Variants in EXOC4 observed in about 807,000 individuals in gnomAD.
EXOC4 encodes the protein SEC8-like 1.
Under a neutral mutation model 107.2 loss-of-function variants are expected in EXOC4, and 71 were observed. The ratio of observed to expected loss-of-function variants is 0.66; its 90% confidence interval spans 0.55 to 0.81. EXOC4 has a LOEUF of 0.81. Ranked by LOEUF, EXOC4 falls within the 30% of genes least tolerant of loss-of-function variation. EXOC4 has a pLI of 0.00. For synonymous variants in EXOC4, 456 were observed against 441.2 expected, an observed-to-expected ratio of 1.03 and a Z score of -0.42; for missense variants, 1,108 against 1,189.6, an observed-to-expected ratio of 0.93 and a Z score of 1.01.
intron 1 of EXOC4, among the ~76,000 whole-genome samples, chr7:133,261,888 T>C (rs1795161352): frequency 6.6e-6 from 1 of 152,174 alleles, no homozygotes; most frequent in Non-Finnish European, 1.5e-5. Context: ...CAGGTTGTTA[T>C]TTTCCTGGCC....
chr7:133,853,341 C>T (rs77658907), intron 11 of EXOC4, among the ~76,000 whole-genome samples: 142 of 134,036 alleles, frequency 1.1e-3, no homozygotes, highest in African/African-American at 3.8e-3. Context: ...CTCTCTCTCT[C>T]TTTAACACAC....
At chr7:133,840,874 A>T (rs771448060) in intron 11 of EXOC4, among the ~76,000 whole-genome samples, 1 of 152,190 alleles carries the variant, frequency 6.6e-6, no homozygotes, top group Non-Finnish European at 1.5e-5. Flanking sequence ...CTTTGTCTTA[A>T]ATGTGTTATG....
chr7:134,093,622 A>T, the EXOC4 span, among the ~76,000 whole-genome samples: 1 of 152,080 alleles, frequency 6.6e-6, no homozygotes, highest in African/African-American at 2.4e-5. Context: ...CAGAATATAC[A>T]TTTTTCTCAT....
intron 13 of EXOC4, among the ~76,000 whole-genome samples, chr7:133,918,219 A>G (rs1017661174): frequency 5.9e-5 from 9 of 152,080 alleles, no homozygotes; most frequent in Non-Finnish European, 7.4e-5. Context: ...TGACCTAATG[A>G]TCCACCTGCC....
intron 1 of EXOC4, among the ~76,000 whole-genome samples, chr7:133,257,540 T>A (rs1795047683): frequency 1.3e-5 from 2 of 152,242 alleles, no homozygotes; most frequent in South Asian, 4.1e-4. Context: ...AGATTTTTAA[T>A]TGGGAAATGT....
In EXOC4 at chr7:133,983,124, G is replaced by A. The variant is rs191648990; in HGVS notation, c.2207-14368G>A. Among the ~76,000 whole-genome samples, 6 of 151,914 alleles carry A rather than the reference G, an allele frequency of 3.9e-5. No homozygotes were observed. The East Asian group carries it at 1.2e-3, about 29-fold the overall frequency. On this transcript the variant is annotated intron_variant, in intron 14 of 17. Transcript: ENST00000253861. The stretch of plus-strand genomic sequence containing the variant: ...GAAAAGGGGAGCAGGCATCTCACAT[G>A]GCAGGAGCAAGAGGCTGGATATTCA...
At chr7:133,962,783 C>A (rs1479369488) in intron 14 of EXOC4, among the ~76,000 whole-genome samples, 1 of 152,194 alleles carries the variant, frequency 6.6e-6, no homozygotes, top group East Asian at 1.9e-4. Context: ...CAGATTATAT[C>A]ATTTGAAATC....
intron 11 of EXOC4, among the ~76,000 whole-genome samples, chr7:133,824,716 C>A (rs1797657263): frequency 6.6e-6 from 1 of 152,110 alleles, no homozygotes; most frequent in East Asian, 1.9e-4. Flanking sequence ...ACTCTTTCAG[C>A]TTCTGGTGGC....
chr7:133,805,661 ACAGT>A (rs1447408440), intron 10 of EXOC4, among the ~76,000 whole-genome samples: 4 of 152,170 alleles, frequency 2.6e-5, no homozygotes, highest in Admixed American at 6.5e-5. Context: ...AGGACAAGTG[ACAGT>A]CAGGAAGGAG....
Position 133,444,391 on chromosome 7 carries a change from T to C in EXOC4, c.1183-30937T>C, listed in dbSNP as rs1435948273. 6.4e-4 allele frequency among the ~76,000 whole-genome samples: 98 copies of C among 152,126 alleles called. 2 individuals carry two copies. The highest frequency in any genetic ancestry group is 8.8e-5 in the Non-Finnish European group (6 of 68,018). ...GGTGGAGACTAACATTTATTGAGGA[T>C]TGACTTTGTAACAGGTAACGTTTTA... On this transcript the variant is annotated intron_variant, in intron 7 of 17. Transcript: ENST00000253861.
intron 10 of EXOC4, among the ~76,000 whole-genome samples, chr7:133,630,709 G>A (rs1286256830): frequency 3.9e-5 from 6 of 151,998 alleles, no homozygotes; most frequent in Non-Finnish European, 7.4e-5. Flanking sequence ...GAATTGGCAG[G>A]TCTCTGAAAT....
At chr7:133,837,948 C>T (rs1408679691) in intron 11 of EXOC4, among the ~76,000 whole-genome samples, 1 of 152,188 alleles carries the variant, frequency 6.6e-6, no homozygotes, top group African/African-American at 2.4e-5. Context: ...CAGACCCTTA[C>T]AGCGCTGGAT....
intron 10 of EXOC4, among the ~76,000 whole-genome samples, chr7:133,712,212 G>A (rs1337293049): frequency 6.6e-6 from 1 of 151,944 alleles, no homozygotes; most frequent in Admixed American, 6.6e-5. Flanking sequence ...GGCCGAGGTG[G>A]GCAAATCACC....
chr7:134,020,952 C>T (rs1282969894), intron 17 of EXOC4, among the ~76,000 whole-genome samples: 3 of 151,364 alleles, frequency 2.0e-5, no homozygotes, highest in Admixed American at 1.3e-4. Flanking sequence ...CACCACTGCA[C>T]TCCAGCCTGG....
At chr7:133,644,536 CT>C (rs1802940711) in intron 10 of EXOC4, among the ~76,000 whole-genome samples, 1 of 152,106 alleles carries the variant, frequency 6.6e-6, no homozygotes, top group Non-Finnish European at 1.5e-5. Context: ...AATACATTGT[CT>C]TTTTTGGTCC....
chr7:133,477,838 A>G (rs879521994), intron 8 of EXOC4, among the ~76,000 whole-genome samples: 2 of 152,214 alleles, frequency 1.3e-5, no homozygotes, highest in East Asian at 1.9e-4. Flanking sequence ...GCAAGTTCCT[A>G]TTAAGCTCTA....
intron 7 of EXOC4, among the ~76,000 whole-genome samples, chr7:133,448,964 G>C (rs963992474): frequency 2.0e-5 from 3 of 152,130 alleles, no homozygotes; most frequent in African/African-American, 4.8e-5. Context: ...AATTATCTGG[G>C]TGTGGTGGCA....
chr7:133,428,730 G>C (rs1291869470), intron 7 of EXOC4, among the ~76,000 whole-genome samples: 1 of 152,018 alleles, frequency 6.6e-6, no homozygotes, highest in Non-Finnish European at 1.5e-5. Flanking sequence ...TGTGTTTTCT[G>C]GTATGCCACT....
intron 8 of EXOC4, among the ~76,000 whole-genome samples, chr7:133,478,128 T>C (rs1184743633): frequency 6.7e-6 from 1 of 148,842 alleles, no homozygotes; most frequent in African/African-American, 2.5e-5. Flanking sequence ...TTTCTTTTCT[T>C]TTTTTTTTTT....
Sources: gnomAD v4.1 joint callset for allele counts (sites outside exome capture counted in the v4.1 genomes callset) on GRCh38, gnomAD v4.1.1 for gene constraint, MANE v1.5 for transcripts, NCBI Gene and HGNC (gene_info 2026-07-23, HGNC 2026-07-21) for gene names.